RSRC1: variants seen among roughly 807,000 people sequenced by gnomAD.
RSRC1 encodes arginine and serine rich coiled-coil 1, also known as serine/Arginine-related protein 53.
In RSRC1, 39 loss-of-function variants were observed where a neutral mutation model predicts 49.1. The observed-to-expected ratio is 0.79, with a 90% confidence interval of 0.61 to 1.04. RSRC1 has a LOEUF of 1.04. Among genes scored for constraint, RSRC1 ranks in the 50% least tolerant of loss-of-function variants. The probability of loss-of-function intolerance (pLI) is 0.00; values close to 1 mark genes in which losing one functional copy is unlikely to be tolerated. For missense variants in RSRC1, 388 were observed against 402.4 expected, an observed-to-expected ratio of 0.96 and a Z score of 0.31; for synonymous variants, 143 against 130.8, an observed-to-expected ratio of 1.09 and a Z score of -0.63.
chr3:158,473,088 T>C (rs1289823427), intron 7 of RSRC1, among the ~76,000 whole-genome samples: 1 of 152,162 alleles, frequency 6.6e-6, no homozygotes, highest in African/African-American at 2.4e-5. Flanking sequence ...AGTTCAACCA[T>C]TGTGAAAGAC....
intron 4 of RSRC1, among the ~76,000 whole-genome samples, chr3:158,296,959 A>C (rs1257055977): frequency 6.6e-6 from 1 of 152,068 alleles, no homozygotes. Context: ...GAAGCAAGAC[A>C]AAGGAAACAG....
intron 4 of RSRC1, among the ~76,000 whole-genome samples, chr3:158,212,584 G>A (rs1178580632): frequency 6.6e-6 from 1 of 151,830 alleles, no homozygotes; most frequent in Non-Finnish European, 1.5e-5. Flanking sequence ...CACCTATTCT[G>A]TTGATTTTGT....
chr3:158,508,112 T>C (rs894093728), intron 7 of RSRC1, among the ~76,000 whole-genome samples: 3 of 151,990 alleles, frequency 2.0e-5, no homozygotes, highest in African/African-American at 7.2e-5. Context: ...ATAATAATAA[T>C]CTAGGGATTT....
intron 1 of RSRC1, among the ~76,000 whole-genome samples, chr3:158,114,851 G>A (rs2108151069): frequency 6.6e-6 from 1 of 152,244 alleles, no homozygotes; most frequent in African/African-American, 2.4e-5. Flanking sequence ...CATTGATTTT[G>A]TATCCTGAAA....
chr3:158,125,870 T>C (rs946102777), intron 3 of RSRC1, among the ~76,000 whole-genome samples: 1 of 152,184 alleles, frequency 6.6e-6, no homozygotes, highest in African/African-American at 2.4e-5. Flanking sequence ...GTTTACTTTA[T>C]ATATTTGAGT....
intron 6 of RSRC1, among the ~76,000 whole-genome samples, chr3:158,412,340 C>G (rs1734506393): frequency 6.6e-6 from 1 of 151,990 alleles, no homozygotes; most frequent in African/African-American, 2.4e-5. Flanking sequence ...GTGATGGACT[C>G]CACTACAATC....
At chr3:158,336,172 G>T (rs1729873978) in intron 5 of RSRC1, among the ~76,000 whole-genome samples, 1 of 152,260 alleles carries the variant, frequency 6.6e-6, no homozygotes, top group African/African-American at 2.4e-5. Flanking sequence ...TGTCCTCTGG[G>T]TAAGGGCACT....
intron 7 of RSRC1, among the ~76,000 whole-genome samples, chr3:158,507,463 A>G (rs898260223): frequency 1.3e-4 from 20 of 152,174 alleles, no homozygotes; most frequent in African/African-American, 4.3e-4. Context: ...TATACATTGT[A>G]TACATGTATC....
At chr3:158,229,084 G>A (rs111066896) in intron 4 of RSRC1, among the ~76,000 whole-genome samples, 1,275 of 17,530 alleles carry the variant, frequency 0.073, 21 homozygotes, top group East Asian at 0.23. Flanking sequence ...GTATATGTGT[G>A]TATAAACACA....
intron 7 of RSRC1, among the ~76,000 whole-genome samples, chr3:158,477,568 T>A (rs1738420524): frequency 6.6e-6 from 1 of 152,006 alleles, no homozygotes; most frequent in South Asian, 2.1e-4. Context: ...ACAGTGTTTT[T>A]TAGATGTAAC....
chr3:158,385,488 A>G (rs899594284), intron 6 of RSRC1, among the ~76,000 whole-genome samples: 43 of 152,148 alleles, frequency 2.8e-4, no homozygotes, highest in African/African-American at 1.0e-3. Context: ...AGTGAAGTGC[A>G]CTATTTTGTT....
At chr3:158,251,256 C>T (rs767686523) in intron 4 of RSRC1, among the ~76,000 whole-genome samples, 2 of 152,044 alleles carry the variant, frequency 1.3e-5, no homozygotes, top group African/African-American at 4.8e-5. Context: ...TTATATGATT[C>T]CTCCAGTTTT....
chr3:158,313,358 G>A (rs1333037637), intron 5 of RSRC1, among the ~76,000 whole-genome samples: 1 of 151,978 alleles, frequency 6.6e-6, no homozygotes, highest in Non-Finnish European at 1.5e-5. Flanking sequence ...GCCTTAAATT[G>A]GCCTCTCTTA....
chr3:158,490,485 C>T (rs997689783), intron 7 of RSRC1, among the ~76,000 whole-genome samples: 1 of 152,088 alleles, frequency 6.6e-6, no homozygotes, highest in African/African-American at 2.4e-5. Flanking sequence ...GCACCGTGTG[C>T]AGAAAATAAA....
chr3:158,505,156 A>G (rs1739794009), intron 7 of RSRC1, among the ~76,000 whole-genome samples: 1 of 152,216 alleles, frequency 6.6e-6, no homozygotes, highest in African/African-American at 2.4e-5. Context: ...GTCAAAATCT[A>G]TTACCAGGTC....
chr3:158,365,758 C>T (rs867230481), intron 6 of RSRC1, among the ~76,000 whole-genome samples: 14 of 152,292 alleles, frequency 9.2e-5, no homozygotes, highest in African/African-American at 3.4e-4. Context: ...ATTTACACTC[C>T]CACCAACATT....
At chr3:158,393,946 G>A (rs1038147127) in intron 6 of RSRC1, among the ~76,000 whole-genome samples, 6 of 152,026 alleles carry the variant, frequency 3.9e-5, no homozygotes, top group South Asian at 2.1e-4. Flanking sequence ...ACATTAAAAA[G>A]CTAATCCACT....
intron 4 of RSRC1, chr3:158,225,610 A>G (rs1228464707): frequency 1.7e-5 from 7 of 410,264 alleles, no homozygotes; most frequent in Non-Finnish European, 2.8e-5. Flanking sequence ...GGATTAAAGT[A>G]GAAGCATCAT....
chr3:158,170,906 C>T (rs1217646113), intron 3 of RSRC1, among the ~76,000 whole-genome samples: 3 of 152,038 alleles, frequency 2.0e-5, no homozygotes, highest in Non-Finnish European at 2.9e-5. Context: ...TGCTTTGCCC[C>T]AAGAACCACC....
Sources: gnomAD v4.1 joint callset for allele counts (sites outside exome capture counted in the v4.1 genomes callset) on GRCh38, gnomAD v4.1.1 for gene constraint, MANE v1.5 for transcripts, NCBI Gene and HGNC (gene_info 2026-07-23, HGNC 2026-07-21) for gene names.